SLC1A3: variants seen among roughly 807,000 people sequenced by gnomAD.
The protein encoded by SLC1A3 is excitatory amino acid transporter 1.
In SLC1A3, 21 loss-of-function variants were observed where a neutral mutation model predicts 48.1. That is an observed-to-expected ratio of 0.44 (90% confidence interval 0.31 to 0.63). The LOEUF is 0.63. Among genes scored for constraint, SLC1A3 ranks in the 20% least tolerant of loss-of-function variants. The pLI, the probability that SLC1A3 is intolerant of heterozygous loss-of-function variation, is 0.08. For missense variants in SLC1A3, 546 were observed against 689.0 expected, an observed-to-expected ratio of 0.79 and a Z score of 2.32; for synonymous variants, 239 against 251.4, an observed-to-expected ratio of 0.95 and a Z score of 0.47.
At chr5:36,661,927 CG>C (rs1561272273) in intron 3 of SLC1A3, among the ~76,000 whole-genome samples, 1 of 152,140 alleles carries the variant, frequency 6.6e-6, no homozygotes, top group East Asian at 1.9e-4. Context: ...AGCTAGGAAG[CG>C]TGCTATCTCG....
At chr5:36,651,227 C>T (rs1741056587) in intron 3 of SLC1A3, among the ~76,000 whole-genome samples, 1 of 151,272 alleles carries the variant, frequency 6.6e-6, no homozygotes, top group African/African-American at 2.4e-5. Context: ...TCCTTCCCCA[C>T]ACCAGGCTTG....
chr5:36,687,595 T>G lies in SLC1A3; in HGVS notation c.*1326T>G, dbSNP rs1334666385. 25 of 152,248 alleles carry G rather than the reference T, an allele frequency of 1.6e-4. No homozygotes were observed. The highest frequency in any genetic ancestry group is 6.5e-5 in the Admixed American group (1 of 15,288). The allele number at this position is 152,248 out of a possible 1,614,324, so 9.4% of individuals were successfully genotyped here. On this transcript the variant is annotated 3_prime_UTR_variant, in exon 10 of 10. Transcript: ENST00000265113. ...TTTCTTATTTGAAAGTGTTTTTCTTTAATCAAAAGTCCTTAGAATGAGGGA... is the reference window on the plus strand; with the variant it reads ...TTTCTTATTTGAAAGTGTTTTTCTTGAATCAAAAGTCCTTAGAATGAGGGA...
upstream of SLC1A3, among the ~76,000 whole-genome samples, chr5:36,604,082 C>A (rs1361845115): frequency 7.2e-6 from 1 of 139,324 alleles, no homozygotes; most frequent in East Asian, 2.3e-4. Context: ...TCTTGTTATA[C>A]TGACATTTTT....
chr5:36,623,419 A>G (rs1739764844), intron 2 of SLC1A3, among the ~76,000 whole-genome samples: 1 of 152,198 alleles, frequency 6.6e-6, no homozygotes, highest in African/African-American at 2.4e-5. Context: ...GTAATCTATA[A>G]TAAAGGATTC....
In SLC1A3 at chr5:36,653,882, C is replaced by T. The variant is rs1027392313; in HGVS notation, c.320-17147C>T. ...TGTTTTTGAGAGAGCCTCGCTCTGTCGCCCAGACTGGAGTGCAGTGGTGCG... is the reference window on the plus strand; with the variant it reads ...TGTTTTTGAGAGAGCCTCGCTCTGTTGCCCAGACTGGAGTGCAGTGGTGCG... On this transcript the variant is annotated intron_variant, in intron 3 of 9. Transcript: ENST00000265113. Among the ~76,000 whole-genome samples the T allele has an allele frequency of 2.5e-4, 38 of 152,222 alleles. 1 individual carries two copies. The highest frequency in any genetic ancestry group is 2.2e-3 in the Admixed American group (33 of 15,286).
intron 4 of SLC1A3, among the ~76,000 whole-genome samples, chr5:36,673,702 CA>C (rs1369609930): frequency 6.6e-6 from 1 of 152,210 alleles, no homozygotes; most frequent in African/African-American, 2.4e-5. Context: ...CACTGCTAAA[CA>C]ATACCTTAGT....
At chr5:36,641,091 A>G (rs1399718793) in intron 3 of SLC1A3, among the ~76,000 whole-genome samples, 27 of 152,208 alleles carry the variant, frequency 1.8e-4, no homozygotes, top group Non-Finnish European at 4.4e-5. Flanking sequence ...CTTCTGTACC[A>G]GTGCTTTATA....
At chr5:36,636,596 CTTTCT>C (rs1366507241) in intron 3 of SLC1A3, among the ~76,000 whole-genome samples, 2 of 112,348 alleles carry the variant, frequency 1.8e-5, no homozygotes, top group Non-Finnish European at 3.7e-5. Flanking sequence ...TTCCTTTCTT[CTTTCT>C]TTTTTTTTTT....
chr5:36,597,992 G>T (rs1738764364), intron 1 of SLC1A3, among the ~76,000 whole-genome samples: 1 of 152,128 alleles, frequency 6.6e-6, no homozygotes, highest in Middle Eastern at 3.2e-3. Flanking sequence ...GATCCTCGAG[G>T]ACTGCCACGA....
At chr5:36,653,990 T>C (rs1052157836) in intron 3 of SLC1A3, among the ~76,000 whole-genome samples, 2 of 152,194 alleles carry the variant, frequency 1.3e-5, no homozygotes, top group Non-Finnish European at 2.9e-5. Context: ...ATTACAGGCA[T>C]GTGCCACCAC....
At chr5:36,662,928 T>TA (rs1398831105) in intron 3 of SLC1A3, among the ~76,000 whole-genome samples, 1 of 152,212 alleles carries the variant, frequency 6.6e-6, no homozygotes, top group Non-Finnish European at 1.5e-5. Context: ...CCCCAAAGGT[T>TA]AAGCCAAAGG....
At chr5:36,626,157 G>C (rs892068335) in intron 2 of SLC1A3, among the ~76,000 whole-genome samples, 1 of 152,144 alleles carries the variant, frequency 6.6e-6, no homozygotes, top group African/African-American at 2.4e-5. Flanking sequence ...AACACCCAAG[G>C]AGAGGAAGAG....
intron 3 of SLC1A3, among the ~76,000 whole-genome samples, chr5:36,647,359 T>C (rs1416193763): frequency 6.6e-6 from 1 of 152,240 alleles, no homozygotes; most frequent in Non-Finnish European, 1.5e-5. Flanking sequence ...ATTTTCAATG[T>C]ACAAGAGGCA....
intron 3 of SLC1A3, chr5:36,636,425 G>A (rs979579833): frequency 6.6e-6 from 1 of 151,186 alleles, no homozygotes; most frequent in Non-Finnish European, 1.5e-5. Flanking sequence ...TCTATTAGCA[G>A]AGAAGAAGGG....
Position 36,629,603 on chromosome 5 carries a change from G to A in SLC1A3, c.319+16G>A, listed in dbSNP as rs771932821. 3 of 1,609,924 alleles carry A rather than the reference G, an allele frequency of 1.9e-6. No individual in the cohort carries two copies. Among genetic ancestry groups the A allele is most frequent in the Admixed American group, 1.7e-5 (1 of 59,832 alleles). On this transcript the variant is annotated intron_variant, in intron 3 of 9. Coordinates refer to ENST00000265113, the MANE Select transcript of SLC1A3 (RefSeq NM_004172.5). ...CTTGTCACAGGTACCATAAGCAGTT[G>A]TTGGTTTGTTTGGTTTTTTTTAAGT...
intron 2 of SLC1A3, chr5:36,613,135 G>T: frequency 3.9e-6 from 1 of 258,730 alleles, no homozygotes; most frequent in Non-Finnish European, 7.8e-6. Context: ...TTGTGGGGCG[G>T]GATGCCACCG....
At position 36,675,569 on chromosome 5, in the gene SLC1A3, G is replaced by A. The variant is rs143543161; in HGVS notation, c.568-1323G>A. On this transcript the variant is annotated intron_variant, in intron 5 of 9. Coordinates refer to ENST00000265113, the MANE Select transcript of SLC1A3 (RefSeq NM_004172.5). ...ATGCAAACAAGGTTGCAGTTTCTGT[G>A]CATGCTGCAAACAGAGTCTAAGGGG... 1.8e-3 allele frequency among the ~76,000 whole-genome samples: 276 copies of A among 152,320 alleles called. 2 individuals carry two copies. Among genetic ancestry groups the A allele is most frequent in the African/African-American group, 6.2e-3 (259 of 41,568 alleles).
chr5:36,607,312 G>A (rs1738992190), intron 1 of SLC1A3: 1 of 152,126 alleles, frequency 6.6e-6, no homozygotes, highest in Non-Finnish European at 1.5e-5. Flanking sequence ...CACATCCATG[G>A]TACGGCTGGT....
chr5:36,607,341 T>C (rs908117866), intron 1 of SLC1A3: 1 of 152,260 alleles, frequency 6.6e-6, no homozygotes, highest in African/African-American at 2.4e-5. Flanking sequence ...GGATTGATTA[T>C]GGGAAGGGCT....
Sources: gnomAD v4.1 joint callset for allele counts (sites outside exome capture counted in the v4.1 genomes callset) on GRCh38, gnomAD v4.1.1 for gene constraint, MANE v1.5 for transcripts, NCBI Gene and HGNC (gene_info 2026-07-23, HGNC 2026-07-21) for gene names.